Variants in PRKG1 observed in about 807,000 individuals in gnomAD.
The protein encoded by PRKG1 is protein kinase cGMP-dependent 1.
Under a neutral mutation model 88.1 loss-of-function variants are expected in PRKG1, and 35 were observed. That is an observed-to-expected ratio of 0.40 (90% CI 0.30 to 0.53). PRKG1 has a LOEUF of 0.53. Among genes scored for constraint, PRKG1 ranks in the 20% least tolerant of loss-of-function variants. PRKG1 has a pLI of 0.59. For synonymous variants in PRKG1, 303 were observed against 292.5 expected, an observed-to-expected ratio of 1.04 and a Z score of -0.37; for missense variants, 540 against 839.8, an observed-to-expected ratio of 0.64 and a Z score of 4.41.
chr10:51,987,350 AC>A (rs1239294388), intron 5 of PRKG1, among the ~76,000 whole-genome samples: 1 of 152,118 alleles, frequency 6.6e-6, no homozygotes, highest in Non-Finnish European at 1.5e-5. Flanking sequence ...AAAAAATAAA[AC>A]TACTGCAGTC....
At chr10:51,486,680 G>A (rs1207088775) in intron 3 of PRKG1, among the ~76,000 whole-genome samples, 1 of 152,044 alleles carries the variant, frequency 6.6e-6, no homozygotes, top group Non-Finnish European at 1.5e-5. Flanking sequence ...GACTGGCAAA[G>A]CTTTAACTTT....
chr10:51,560,791 A>T (rs552854271), intron 3 of PRKG1, among the ~76,000 whole-genome samples: 69 of 152,268 alleles, frequency 4.5e-4, no homozygotes, highest in African/African-American at 1.6e-3. Flanking sequence ...ATTCGTAAGA[A>T]ATGATTTTGT....
intron 3 of PRKG1, among the ~76,000 whole-genome samples, chr10:51,586,754 G>A (rs1286390198): frequency 1.3e-5 from 2 of 152,072 alleles, no homozygotes; most frequent in Non-Finnish European, 2.9e-5. Flanking sequence ...CCCAAATTAT[G>A]TTCACATTTT....
At chr10:52,188,279 CATATATATGTGTATAT>C (rs1564509111) in intron 9 of PRKG1, among the ~76,000 whole-genome samples, 2 of 107,326 alleles carry the variant, frequency 1.9e-5, no homozygotes, top group Non-Finnish European at 3.7e-5. Flanking sequence ...TATATATATA[CATATATATGTGTATAT>C]ATATATGTAT....
At chr10:51,672,122 AT>A (rs148708274) in intron 3 of PRKG1, among the ~76,000 whole-genome samples, 48 of 149,924 alleles carry the variant, frequency 3.2e-4, no homozygotes, top group East Asian at 2.0e-3. Context: ...CTCATTTGAG[AT>A]TTTTTTTTTA....
At position 52,282,131 on chromosome 10, in the gene PRKG1, C is replaced by G. The variant is rs369808338; in HGVS notation, c.1546-22C>G. ...ACTTAATCATAAGGAGCTTAAGTAT[C>G]TTGTTTTTCTCTCTTTGTAAGGTTG... is the stretch of plus-strand genomic sequence containing the variant. On this transcript the variant is annotated intron_variant, in intron 13 of 17. Coordinates refer to ENST00000373980, the MANE Select transcript of PRKG1 (RefSeq NM_006258.4). The G allele has an allele frequency of 2.0e-5, 31 of 1,562,140 alleles. No homozygotes were observed. In the East Asian group the frequency reaches 2.0e-4, roughly 10 times the overall value.
chr10:52,216,407 T>C (rs1249591211), intron 9 of PRKG1, among the ~76,000 whole-genome samples: 1 of 152,164 alleles, frequency 6.6e-6, no homozygotes, highest in Admixed American at 6.6e-5. Flanking sequence ...CACATGGATT[T>C]TGCAAGAGAC....
intron 5 of PRKG1, among the ~76,000 whole-genome samples, chr10:51,936,509 T>C (rs1320479953): frequency 6.6e-6 from 1 of 152,038 alleles, no homozygotes; most frequent in African/African-American, 2.4e-5. Context: ...GATTTGTACC[T>C]AGAGGTAGTG....
intron 7 of PRKG1, among the ~76,000 whole-genome samples, chr10:52,080,816 G>T (rs558242204): frequency 6.1e-4 from 92 of 151,758 alleles, no homozygotes; most frequent in Middle Eastern, 3.4e-3. Context: ...TATTAATCTG[G>T]TGATATAATA....
chr10:51,554,027 ACG>A (rs1250501998), intron 3 of PRKG1, among the ~76,000 whole-genome samples: 3,668 of 140,254 alleles, frequency 0.026, 787 homozygotes, highest in East Asian at 0.075. Flanking sequence ...CGTATGTGAT[ACG>A]TGTATATATT....
intron 5 of PRKG1, among the ~76,000 whole-genome samples, chr10:52,038,161 G>C (rs1845665179): frequency 6.6e-6 from 1 of 152,208 alleles, no homozygotes; most frequent in African/African-American, 2.4e-5. Context: ...TTTTAGGTCA[G>C]GTGTGAGTTG....
At chr10:51,689,565 A>T (rs548186564) in intron 3 of PRKG1, among the ~76,000 whole-genome samples, 55 of 152,198 alleles carry the variant, frequency 3.6e-4, no homozygotes, top group Admixed American at 8.5e-4. Flanking sequence ...ATCCCATACA[A>T]TGTGTAAGTG....
intron 4 of PRKG1, among the ~76,000 whole-genome samples, chr10:51,822,500 T>C (rs773767327): frequency 2.8e-4 from 42 of 152,062 alleles, no homozygotes; most frequent in Non-Finnish European, 7.4e-5. Flanking sequence ...GAATTAGCAA[T>C]ATTTTTTTCT....
Position 51,517,178 on chromosome 10 carries a change from C to T in PRKG1, c.592+49342C>T, listed in dbSNP as rs1416304065. On this transcript the variant is annotated intron_variant, in intron 3 of 17. Transcript: ENST00000373980. Reference sequence around the variant, plus strand: ...CTAAGGAAACGAAGATCAGAAGAAACAGTTACAACTGAATGTTTTTACACA... The same window carrying T: ...CTAAGGAAACGAAGATCAGAAGAAATAGTTACAACTGAATGTTTTTACACA... Among the ~76,000 whole-genome samples, 17 of 152,136 alleles carry T rather than the reference C, an allele frequency of 1.1e-4. 1 individual carries two copies. The highest frequency in any genetic ancestry group is 1.1e-3 in the Admixed American group (17 of 15,272).
At chr10:51,715,213 C>T (rs1841857328) in intron 3 of PRKG1, among the ~76,000 whole-genome samples, 1 of 152,196 alleles carries the variant, frequency 6.6e-6, no homozygotes, top group Non-Finnish European at 1.5e-5. Context: ...CTCATCACCT[C>T]ACTCCACAAA....
chr10:51,840,790 C>T (rs1213681192), intron 4 of PRKG1, among the ~76,000 whole-genome samples: 1 of 152,130 alleles, frequency 6.6e-6, no homozygotes, highest in Non-Finnish European at 1.5e-5. Context: ...AGGTGACCTG[C>T]CCGCCTTGGC....
intron 9 of PRKG1, among the ~76,000 whole-genome samples, chr10:52,216,798 A>G (rs369643555): frequency 6.6e-6 from 1 of 152,174 alleles, no homozygotes; most frequent in Non-Finnish European, 1.5e-5. Context: ...TCTAAATTTT[A>G]AAAATAAGTT....
intron 7 of PRKG1, among the ~76,000 whole-genome samples, chr10:52,066,673 A>G (rs891851146): frequency 6.6e-6 from 1 of 152,204 alleles, no homozygotes. Context: ...GAGGACGGAA[A>G]TTACTGAACT....
At chr10:52,019,320 C>G in intron 5 of PRKG1, among the ~76,000 whole-genome samples, 1 of 152,120 alleles carries the variant, frequency 6.6e-6, no homozygotes, top group African/African-American at 2.4e-5. Flanking sequence ...GGATCCTACC[C>G]TCTTACAGAG....
Sources: gnomAD v4.1 joint callset for allele counts (sites outside exome capture counted in the v4.1 genomes callset) on GRCh38, gnomAD v4.1.1 for gene constraint, MANE v1.5 for transcripts, NCBI Gene and HGNC (gene_info 2026-07-23, HGNC 2026-07-21) for gene names.